Variants in SEPTIN10 observed in about 807,000 individuals in gnomAD.
SEPTIN10 encodes the protein septin 10, also known as septin-10.
Under a neutral mutation model 54.8 loss-of-function variants are expected in SEPTIN10, and 66 were observed. That is an observed-to-expected ratio of 1.21 (90% CI 0.99 to 1.48). SEPTIN10 has a LOEUF of 1.48. SEPTIN10 is among the 40% of genes most tolerant of loss of function. The pLI is 0.00. For missense variants in SEPTIN10, 620 were observed against 545.6 expected (o/e 1.14, Z -1.36); for synonymous variants, 161 against 181.0 (o/e 0.89, Z 0.89).
chr2:109,554,050 T>G (rs1366265041), intron 8 of SEPTIN10, among the ~76,000 whole-genome samples: 2 of 152,188 alleles, frequency 1.3e-5, no homozygotes, highest in African/African-American at 4.8e-5. Flanking sequence ...ACCAAACTTC[T>G]AAATAAAGAC....
In SEPTIN10 at chr2:109,546,135, T is replaced by C. The variant is rs760892761; in HGVS notation, c.1264A>G (p.Lys422Glu). The C allele has an allele frequency of 2.5e-6, 4 of 1,611,438 alleles. No homozygotes were observed. Among genetic ancestry groups the C allele is most frequent in the Non-Finnish European group, 3.4e-6 (4 of 1,178,992 alleles). ...LLEEEIIAFS[K>E]KKATSEIFHS... is the part of the protein sequence containing the mutation. ...AATATCTCGGAGGTAGCTTTCTTTT[T>C]AGAGAAAGCAATTATTTCTTCTTCC... The change falls in exon 10 of 11, where the codon AAA becomes GAA. Residue 422 changes from lysine to glutamate, a missense_variant. Physicochemically the swap from Lys to Glu is moderately conservative, Grantham distance 56. Coordinates refer to ENST00000397712, the MANE Select transcript of SEPTIN10 (RefSeq NM_144710.5).
intron 2 of SEPTIN10, among the ~76,000 whole-genome samples, chr2:109,587,158 C>T (rs760914588): frequency 6.6e-5 from 10 of 151,920 alleles, no homozygotes; most frequent in Admixed American, 4.6e-4. Context: ...GGTGGCATGA[C>T]GGGGAATTAC....
intron 5 of SEPTIN10, 139 bp from the exon 6 acceptor site, chr2:109,568,115 T>A: frequency 1.6e-6 from 1 of 636,632 alleles, no homozygotes; most frequent in Non-Finnish European, 2.7e-6. Context: ...CTACGGTCCA[T>A]CTCGCTGTTG....
intron 1 of SEPTIN10, among the ~76,000 whole-genome samples, chr2:109,598,613 C>T (rs958592026): frequency 2.0e-5 from 3 of 151,830 alleles, no homozygotes; most frequent in Non-Finnish European, 1.5e-5. Context: ...GAGGCTGAGG[C>T]AGGTAGATCA....
intron 9 of SEPTIN10, among the ~76,000 whole-genome samples, chr2:109,547,374 T>G (rs868655129): frequency 2.0e-5 from 3 of 151,548 alleles, no homozygotes; most frequent in African/African-American, 7.3e-5. Flanking sequence ...AACTTGTTTT[T>G]TTTTTTTTTT....
Position 109,565,943 on chromosome 2 carries a change from ATAAT to A in SEPTIN10, c.763-88_763-85del, listed in dbSNP as rs138383198. Reference sequence around the variant, plus strand: ...TAAATTTTATGTGAGAGAGAAGAGAATAATTAAATAACAAACCTATTAAAATCGA... The same window carrying A: ...TAAATTTTATGTGAGAGAGAAGAGAATAAATAACAAACCTATTAAAATCGA... On this transcript the variant is annotated intron_variant, in intron 6 of 10. Transcript: ENST00000397712. 4,671 of 1,204,166 alleles carry A rather than the reference ATAAT, an allele frequency of 3.9e-3. 122 individuals are homozygous for A. The African/African-American group carries it at 0.061, about 16-fold the overall frequency. The allele number at this position is 1,204,166 out of a possible 1,614,324, so 74.6% of individuals were successfully genotyped here. A position where few individuals can be genotyped will look rare whatever the true frequency, so the allele number is the denominator to read the frequency against.
intron 4 of SEPTIN10, among the ~76,000 whole-genome samples, chr2:109,576,643 A>G (rs1689747751): frequency 6.6e-6 from 1 of 152,196 alleles, no homozygotes; most frequent in Admixed American, 6.5e-5. Context: ...AATGACCTGA[A>G]ATAGGTCAGT....
intron 1 of SEPTIN10, among the ~76,000 whole-genome samples, chr2:109,611,443 G>A (rs926226213): frequency 6.6e-6 from 1 of 151,706 alleles, no homozygotes; most frequent in African/African-American, 2.4e-5. Flanking sequence ...AGAAAGGACT[G>A]GAATCTAGTA....
At chr2:109,593,154 G>T in intron 1 of SEPTIN10, 35 bp from the exon 2 acceptor site, 1 of 1,431,870 alleles carries the variant, frequency 7.0e-7, no homozygotes, top group Non-Finnish European at 9.7e-7. Flanking sequence ...AAAGGAAACA[G>T]AAACATTACT....
At chr2:109,608,973 G>A (rs989357425) in intron 1 of SEPTIN10, among the ~76,000 whole-genome samples, 3 of 152,204 alleles carry the variant, frequency 2.0e-5, no homozygotes, top group African/African-American at 4.8e-5. Context: ...TTCTTGAAGA[G>A]AGGGACTCTA....
chr2:109,578,121 AAAAT>A (rs2105544166), intron 4 of SEPTIN10, among the ~76,000 whole-genome samples: 1 of 152,244 alleles, frequency 6.6e-6, no homozygotes, highest in East Asian at 1.9e-4. Flanking sequence ...CAAGAAAGGA[AAAAT>A]AAATATAGAA....
rs1483247597 is a variant in SEPTIN10 at position 109,543,980 on chromosome 2, C to A, written c.*329G>T. On this transcript the variant is annotated 3_prime_UTR_variant, in exon 11 of 11. Transcript: ENST00000397712. ...AAAAATTTTGTGCAAGAAACAAAAT[C>A]TGTTTAAACTGAACCATCAGAAAGC... The A allele has an allele frequency of 1.5e-5, 9 of 612,134 alleles. No homozygotes were observed. The highest frequency in any genetic ancestry group is 2.5e-5 in the Non-Finnish European group (9 of 359,890). The allele number at this position is 612,134 out of a possible 1,614,324, so 37.9% of individuals were successfully genotyped here.
At chr2:109,568,090 C>CG (rs1174113211) in intron 5 of SEPTIN10, 114 bp from the exon 6 acceptor site, 1 of 795,780 alleles carries the variant, frequency 1.3e-6, no homozygotes, top group African/African-American at 1.7e-5. Flanking sequence ...AAACCTAGAT[C>CG]GGGGGGCTGG....
intron 1 of SEPTIN10, among the ~76,000 whole-genome samples, chr2:109,600,509 G>A (rs1051550002): frequency 1.3e-5 from 2 of 149,854 alleles, no homozygotes; most frequent in African/African-American, 4.9e-5. Context: ...GGACCTACCT[G>A]CTTATATTTC....
intron 4 of SEPTIN10, among the ~76,000 whole-genome samples, chr2:109,582,873 G>A (rs182876785): frequency 3.8e-4 from 58 of 152,162 alleles, no homozygotes; most frequent in Admixed American, 1.4e-3. Flanking sequence ...AAATAAAGCC[G>A]CACACCTACA....
chr2:109,565,250 G>A (rs867576981), intron 7 of SEPTIN10, among the ~76,000 whole-genome samples: 140 of 152,054 alleles, frequency 9.2e-4, no homozygotes, highest in African/African-American at 3.4e-3. Flanking sequence ...ATACTAGTAA[G>A]GGTAATCTAT....
At chr2:109,565,720 A>G in intron 7 of SEPTIN10, 43 bp downstream of exon 7, 2 of 1,487,924 alleles carry the variant, frequency 1.3e-6, no homozygotes, top group Non-Finnish European at 1.9e-6. Flanking sequence ...CTTTGAGATT[A>G]CTAGATAGAT....
At chr2:109,544,427 C>A in intron 10 of SEPTIN10, 103 bp from the exon 11 acceptor site, 9 of 1,405,268 alleles carry the variant, frequency 6.4e-6, no homozygotes, top group South Asian at 1.9e-5. Flanking sequence ...GGCCATGGGA[C>A]TTTGAAAAAG....
chr2:109,590,580 T>C (rs1693821854), intron 2 of SEPTIN10, among the ~76,000 whole-genome samples: 1 of 152,042 alleles, frequency 6.6e-6, no homozygotes, highest in Non-Finnish European at 1.5e-5. Context: ...TATAGGTGCT[T>C]GCCACCACAG....
Sources: allele counts gnomAD v4.1 joint callset (sites outside exome capture counted in the v4.1 genomes callset), GRCh38; gene constraint gnomAD v4.1.1; transcripts MANE v1.5; gene names NCBI Gene and HGNC (gene_info 2026-07-23, HGNC 2026-07-21).